SLC12A6: variants seen among roughly 807,000 people sequenced by gnomAD.
The protein encoded by SLC12A6 is K-Cl cotransporter 3.
In SLC12A6, 66 loss-of-function variants were observed where a neutral mutation model predicts 135.3. That is an observed-to-expected ratio of 0.49 (90% CI 0.40 to 0.60). The LOEUF (loss-of-function observed/expected upper bound fraction) is 0.60, where lower values mean the gene tolerates loss of function less well. Among genes scored for constraint, SLC12A6 ranks in the 20% least tolerant of loss-of-function variants. SLC12A6 has a pLI of 0.00. For synonymous variants in SLC12A6, 513 were observed against 508.8 expected (o/e 1.01, Z -0.11); for missense variants, 1,058 against 1,452.3 (o/e 0.73, Z 4.41).
chr15:34,331,519 A>C (rs890287488), intron 2 of SLC12A6, among the ~76,000 whole-genome samples: 15 of 152,330 alleles, frequency 9.8e-5, no homozygotes, highest in African/African-American at 3.6e-4. Context: ...TACATACATT[A>C]ATATGCCTTT....
chr15:34,295,844 C>T (rs1367622686), intron 2 of SLC12A6, among the ~76,000 whole-genome samples: 1 of 151,968 alleles, frequency 6.6e-6, no homozygotes, highest in Non-Finnish European at 1.5e-5. Flanking sequence ...ACTAAAAATA[C>T]AAAAAATTAG....
chr15:34,329,572 T>C (rs1277008319), intron 2 of SLC12A6, among the ~76,000 whole-genome samples: 4 of 151,996 alleles, frequency 2.6e-5, no homozygotes, highest in African/African-American at 9.7e-5. Flanking sequence ...GGGCTCATGA[T>C]GGAAAGACTT....
chr15:34,254,675 A>C (rs1321383429), intron 8 of SLC12A6, 86 bp from the exon 9 acceptor site: 8 of 1,006,334 alleles, frequency 7.9e-6, no homozygotes, highest in Non-Finnish European at 1.2e-5. Context: ...TACTTTCACA[A>C]AAGAAAGCAA....
intron 2 of SLC12A6, among the ~76,000 whole-genome samples, chr15:34,304,192 A>T (rs180989767): frequency 7.2e-5 from 11 of 152,238 alleles, no homozygotes; most frequent in Non-Finnish European, 4.4e-5. Context: ...GGTTTTTTGC[A>T]ACTAGATTCC....
intron 24 of SLC12A6, 76 bp from the exon 25 acceptor site, chr15:34,235,390 C>T: frequency 8.1e-7 from 1 of 1,240,480 alleles, no homozygotes; most frequent in South Asian, 1.2e-5. Flanking sequence ...AACTTGAGAT[C>T]CTGAGCTTTT....
At chr15:34,272,247 G>T (rs1234893485) in intron 3 of SLC12A6, among the ~76,000 whole-genome samples, 1 of 152,184 alleles carries the variant, frequency 6.6e-6, no homozygotes, top group Non-Finnish European at 1.5e-5. Context: ...GGGATTACAG[G>T]CGTGGTGAAC....
Position 34,233,856 on chromosome 15 carries a change from G to A in SLC12A6, c.*25C>T, listed in dbSNP as rs767632019. 2 of 1,321,104 alleles carry A rather than the reference G, an allele frequency of 1.5e-6. No homozygotes were observed. The highest frequency in any genetic ancestry group is 1.7e-5 in the Admixed American group (1 of 59,652). The allele number at this position is 1,321,104 out of a possible 1,614,324, so 81.8% of individuals were successfully genotyped here. On this transcript the variant is annotated 3_prime_UTR_variant, in exon 26 of 26. Coordinates refer to ENST00000354181, the MANE Select transcript of SLC12A6 (RefSeq NM_001365088.1). Reference sequence around the variant, plus strand: ...GGACGTAGGCCTTTTAAGAAAACAGGTCAAGCACGGTCATTCAGAGTAGGT... The same window carrying A: ...GGACGTAGGCCTTTTAAGAAAACAGATCAAGCACGGTCATTCAGAGTAGGT...
In SLC12A6 at chr15:34,282,522, G is replaced by GC. The variant is rs555582589; in HGVS notation, c.272-7134dup. On this transcript the variant is annotated intron_variant, in intron 2 of 25. Transcript: ENST00000354181. ...AATTCTAGCTACTCAGGAGGCTGAAGCTGGAGGACTACCTGAGGCCAGGAG... is the reference window on the plus strand; with the variant it reads ...AATTCTAGCTACTCAGGAGGCTGAAGCCTGGAGGACTACCTGAGGCCAGGAG... Among the ~76,000 whole-genome samples, 1,113 of 152,302 alleles carry GC rather than the reference G, an allele frequency of 7.3e-3. 9 individuals carry two copies. Among genetic ancestry groups the GC allele is most frequent in the African/African-American group, 0.025 (1,059 of 41,572 alleles).
chr15:34,252,475 C>A, intron 9 of SLC12A6, 91 bp from the exon 10 acceptor site: 1 of 766,828 alleles, frequency 1.3e-6, no homozygotes, highest in East Asian at 2.6e-5. Context: ...AACAAGAACC[C>A]CATCTTTAAG....
intron 2 of SLC12A6, among the ~76,000 whole-genome samples, chr15:34,329,263 A>G (rs1889678461): frequency 6.6e-6 from 1 of 152,222 alleles, no homozygotes; most frequent in Non-Finnish European, 1.5e-5. Context: ...GGCACAAAGG[A>G]GTGCCTTTTT....
chr15:34,266,303 G>A (rs1445025655), intron 3 of SLC12A6, among the ~76,000 whole-genome samples: 2 of 152,140 alleles, frequency 1.3e-5, no homozygotes, highest in East Asian at 3.9e-4. Flanking sequence ...ATAAATTTAT[G>A]AGAAACATTT....
chr15:34,291,937 T>C (rs1399309629), intron 2 of SLC12A6, among the ~76,000 whole-genome samples: 1 of 152,122 alleles, frequency 6.6e-6, no homozygotes. Context: ...ACATGCTCCT[T>C]TAGCTCGGAG....
In SLC12A6 at chr15:34,231,479, A is replaced by G. The variant is rs1358437517; in HGVS notation, c.*2402T>C. The G allele has an allele frequency of 6.6e-6, 1 of 152,080 alleles. No homozygotes were observed. The highest frequency in any genetic ancestry group is 1.5e-5 in the Non-Finnish European group (1 of 68,010). 9.4% of individuals were successfully genotyped at this position (152,080 alleles called of 1,614,324 possible). A position where few individuals can be genotyped will look rare whatever the true frequency, so the allele number is the denominator to read the frequency against. On this transcript the variant is annotated 3_prime_UTR_variant, in exon 26 of 26. Transcript: ENST00000354181. Reference sequence around the variant, plus strand: ...AAATAATGCTTCTACCATCTGTAGGAAGTAACAGAAAAAAAGACTTAAGAT... The same window carrying G: ...AAATAATGCTTCTACCATCTGTAGGGAGTAACAGAAAAAAAGACTTAAGAT...
intron 2 of SLC12A6, among the ~76,000 whole-genome samples, chr15:34,280,436 G>C (rs1308019112): frequency 6.6e-6 from 1 of 152,090 alleles, no homozygotes; most frequent in Non-Finnish European, 1.5e-5. Flanking sequence ...CAACTGAAAT[G>C]ACTAGTCTTA....
At chr15:34,324,086 G>T (rs974283644) in intron 2 of SLC12A6, among the ~76,000 whole-genome samples, 1 of 151,952 alleles carries the variant, frequency 6.6e-6, no homozygotes, top group Non-Finnish European at 1.5e-5. Flanking sequence ...CTTGTTCTCT[G>T]TATTTTTACC....
intron 13 of SLC12A6, among the ~76,000 whole-genome samples, chr15:34,246,608 A>C (rs956086552): frequency 6.6e-6 from 1 of 151,840 alleles, no homozygotes; most frequent in African/African-American, 2.4e-5. Flanking sequence ...ATCTTTATGC[A>C]CATATCTACA....
intron 2 of SLC12A6, among the ~76,000 whole-genome samples, chr15:34,301,078 C>T (rs533174360): frequency 6.6e-6 from 1 of 152,060 alleles, no homozygotes; most frequent in African/African-American, 2.4e-5. Flanking sequence ...AAGCGATTCT[C>T]CTGTCTCAGC....
intron 2 of SLC12A6, among the ~76,000 whole-genome samples, chr15:34,296,296 C>T (rs774034913): frequency 1.3e-5 from 2 of 151,910 alleles, no homozygotes; most frequent in Non-Finnish European, 2.9e-5. Flanking sequence ...GTAACTTACA[C>T]ATAGTAACAT....
intron 3 of SLC12A6, among the ~76,000 whole-genome samples, chr15:34,262,914 G>A (rs1268472457): frequency 1.3e-5 from 2 of 152,162 alleles, no homozygotes; most frequent in Non-Finnish European, 2.9e-5. Flanking sequence ...GAATAGACAG[G>A]GCATCTCTTC....
Sources: allele counts gnomAD v4.1 joint callset (sites outside exome capture counted in the v4.1 genomes callset), GRCh38; gene constraint gnomAD v4.1.1; transcripts MANE v1.5; gene names NCBI Gene and HGNC (gene_info 2026-07-23, HGNC 2026-07-21).